The following TARS1 variants were observed in gnomAD, a reference collection of about 807,000 sequenced individuals.
TARS1 encodes the protein threonine--tRNA ligase 1, cytoplasmic.
TARS1 carries 57 observed loss-of-function variants against 97.7 expected under a neutral mutation model. The ratio of observed to expected loss-of-function variants is 0.58; its 90% CI spans 0.47 to 0.73. The LOEUF is 0.73. Among genes scored for constraint, TARS1 ranks in the 30% least tolerant of loss-of-function variants. TARS1 has a pLI of 0.00. For synonymous variants in TARS1, 312 were observed against 293.7 expected (o/e 1.06, Z -0.64); for missense variants, 806 against 888.3 (o/e 0.91, Z 1.18).
intron 17 of TARS1, 151 bp downstream of exon 17, chr5:33,463,976 T>G (rs1302788314): frequency 1.5e-6 from 1 of 661,890 alleles, no homozygotes; most frequent in Non-Finnish European, 2.6e-6. Context: ...TAGATTATAT[T>G]ACTTCTTTAA....
intron 4 of TARS1, among the ~76,000 whole-genome samples, chr5:33,454,259 C>G (rs916839363): frequency 1.3e-5 from 2 of 152,198 alleles, no homozygotes; most frequent in Non-Finnish European, 2.9e-5. Context: ...TGATTGTTCA[C>G]TTATGTATGT....
intron 2 of TARS1, chr5:33,446,868 C>A: frequency 3.1e-6 from 2 of 654,608 alleles, no homozygotes; most frequent in South Asian, 2.0e-5. Flanking sequence ...TCTGTCTGAG[C>A]TTTTAGTTAA....
At chr5:33,455,097 A>G (rs1741947018) in intron 5 of TARS1, 31 bp downstream of exon 5, 3 of 1,611,624 alleles carry the variant, frequency 1.9e-6, no homozygotes, top group Non-Finnish European at 2.5e-6. Context: ...AGAAAACTGA[A>G]GTCAATGACT....
chr5:33,452,768 G>A (rs1481439952), intron 3 of TARS1, among the ~76,000 whole-genome samples: 2 of 140,232 alleles, frequency 1.4e-5, no homozygotes, highest in African/African-American at 5.9e-5. Context: ...TTATTTAGTA[G>A]GCCTTTTTTT....
chr5:33,460,468 T>C (rs1289521183), intron 11 of TARS1, among the ~76,000 whole-genome samples: 1 of 152,266 alleles, frequency 6.6e-6, no homozygotes, highest in African/African-American at 2.4e-5. Flanking sequence ...GAGGCCGCTC[T>C]GCTTTCTATC....
At position 33,467,710 on chromosome 5, in the gene TARS1, GA is replaced by G. The variant is rs756132597; in HGVS notation, c.*8del. On this transcript the variant is annotated 3_prime_UTR_variant, in exon 19 of 19. Transcript: ENST00000265112. ...AAACAGGCAGAAGAAGAATTTTAAT[GA>G]AAAAATTACCCAGATTGGCTCCATG... The G allele has an allele frequency of 6.2e-6, 10 of 1,606,534 alleles. No individual in the cohort carries two copies. Among genetic ancestry groups the G allele is most frequent in the Non-Finnish European group, 8.5e-6 (10 of 1,177,818 alleles).
intron 1 of TARS1, chr5:33,441,525 A>C: frequency 5.2e-6 from 1 of 192,006 alleles, no homozygotes; most frequent in South Asian, 1.0e-4. Flanking sequence ...AGCCTTATTT[A>C]ATCAATCTCC....
rs1261255561 is a variant in TARS1, at chr5:33,467,553, G to A, written c.2024-7G>A. ...AAGTCTGACAAAGCTTTGTGTGTTT[G>A]TTTTAGTTGTTGGTGAAAAAGAGAA... On this transcript the variant is annotated splice_polypyrimidine_tract_variant and splice_region_variant and intron_variant, in intron 18 of 18. Transcript: ENST00000265112. 3 of 1,609,034 alleles carry A rather than the reference G, an allele frequency of 1.9e-6. No homozygotes were observed. Among genetic ancestry groups the A allele is most frequent in the Admixed American group, 1.7e-5 (1 of 58,922 alleles).
Position 33,458,616 on chromosome 5 carries a change from T to C in TARS1, c.1035T>C (p.Phe345=). The change falls in exon 10 of 19, where the codon TTT becomes TTC. Residue 345 remains phenylalanine (F), a synonymous_variant. Transcript: ENST00000265112. ...AACTCAGCCCTGGAAGTTGCTTTTTTCTGCCAAAAGGAGCCTACATTTATA... is the reference window on the plus strand; with the variant it reads ...AACTCAGCCCTGGAAGTTGCTTTTTCCTGCCAAAAGGAGCCTACATTTATA... ...FHELSPGSCF[F]LPKGAYIYNA... 2.5e-6 allele frequency: 4 copies of C among 1,613,830 alleles called. No homozygotes were observed. In the Middle Eastern group the frequency reaches 5.0e-4, roughly 200 times the overall value.
rs568717665 is a variant in TARS1, at chr5:33,445,175, A to T, written c.58-149A>T. 183 of 571,858 alleles carry T rather than the reference A, an allele frequency of 3.2e-4. No individual in the cohort carries two copies. In the African/African-American group the frequency reaches 3.3e-3, roughly 10 times the overall value. 35.4% of individuals were successfully genotyped at this position (571,858 alleles called of 1,614,324 possible). A position where few individuals can be genotyped will look rare whatever the true frequency, so the allele number is the denominator to read the frequency against. On this transcript the variant is annotated intron_variant, in intron 1 of 18. Coordinates refer to ENST00000265112, the MANE Select transcript of TARS1 (RefSeq NM_152295.5). The stretch of plus-strand genomic sequence containing the variant: ...AGTTGTTAACCTGTCTTTGCCAGTG[A>T]TGAAATTGTTCAGTCTTTCAATATC...
At chr5:33,447,721 A>G (rs1465671769) in intron 2 of TARS1, among the ~76,000 whole-genome samples, 1 of 152,224 alleles carries the variant, frequency 6.6e-6, no homozygotes, top group African/African-American at 2.4e-5. Flanking sequence ...ATTCATTTGA[A>G]GATAGAAAGT....
At chr5:33,460,261 T>G (rs1391609979) in intron 11 of TARS1, among the ~76,000 whole-genome samples, 1 of 152,186 alleles carries the variant, frequency 6.6e-6, no homozygotes, top group Non-Finnish European at 1.5e-5. Flanking sequence ...CATGAGCCAC[T>G]GTGCCCAGCC....
intron 1 of TARS1, 70 bp downstream of exon 1, chr5:33,441,213 G>T: frequency 6.3e-7 from 1 of 1,588,078 alleles, no homozygotes; most frequent in Non-Finnish European, 8.6e-7. Context: ...CGCTCGCGGC[G>T]GGAGCGGGGG....
Position 33,457,365 on chromosome 5 carries a change from G to A in TARS1, c.946G>A (p.Glu316Lys), listed in dbSNP as rs368506094. 4 of 1,613,962 alleles carry A rather than the reference G, an allele frequency of 2.5e-6. No individual in the cohort carries two copies. The highest frequency in any genetic ancestry group is 1.3e-5 in the African/African-American group (1 of 74,914). The change falls in exon 9 of 19, where the codon GAG becomes AAG. Residue 316 changes from glutamate to lysine, a missense_variant. Coordinates refer to ENST00000265112, the MANE Select transcript of TARS1 (RefSeq NM_152295.5). Reference protein sequence around the residue: ...KMLKEWEKFQEEAKNRDHRKI... With the variant: ...KMLKEWEKFQKEAKNRDHRKI... ...GTTGAAAGAGTGGGAGAAGTTCCAA[G>A]AGGAAGCTAAAAACCGAGATCATAG...
chr5:33,446,288 C>T (rs1410781259), intron 2 of TARS1: 1 of 270,926 alleles, frequency 3.7e-6, no homozygotes, highest in African/African-American at 2.2e-5. Flanking sequence ...TATCTTACGG[C>T]TGATCAGTTG....
intron 2 of TARS1, 145 bp from the exon 3 acceptor site, chr5:33,448,396 C>A (rs1741527879): frequency 1.7e-6 from 1 of 575,194 alleles, no homozygotes; most frequent in Non-Finnish European, 2.8e-6. Context: ...TGAGGTAATG[C>A]CGGGTGATTT....
In TARS1 at chr5:33,467,688, C is replaced by G; in HGVS notation, c.2152C>G (p.Gln718Glu). The G allele has an allele frequency of 6.2e-7, 1 of 1,611,764 alleles. No homozygotes were observed. The highest frequency in any genetic ancestry group is 8.5e-7 in the Non-Finnish European group (1 of 1,179,312). The change falls in exon 19 of 19, where the codon CAG becomes GAG. Residue 718 changes from glutamine (Q) to glutamate (E), a missense_variant. By Grantham distance (29) the Gln-to-Glu change is conservative. Around this residue, in one of 3 missense-constraint regions of TARS1, gnomAD observed 446 missense variants for 511.0 expected, o/e 0.87. Transcript: ENST00000265112. The part of the protein sequence containing the change: ...LQQLKEFRSK[Q>E]AEEEF ...GCAGCTCAAAGAGTTCCGCAGCAAA[C>G]AGGCAGAAGAAGAATTTTAATGAAA...
intron 3 of TARS1, among the ~76,000 whole-genome samples, chr5:33,449,358 T>TATATATATATATATATATATAG (rs59141272): frequency 4.1e-5 from 6 of 146,484 alleles, no homozygotes; most frequent in African/African-American, 1.5e-4. Context: ...TATATATATA[T>TATATATATATATATATATATAG]CTTAAACTGG....
At chr5:33,443,938 T>G (rs1741280198) in intron 1 of TARS1, among the ~76,000 whole-genome samples, 1 of 152,076 alleles carries the variant, frequency 6.6e-6, no homozygotes, top group South Asian at 2.1e-4. Context: ...AGCATGAAAT[T>G]AGGAGTCATA....
Sources: allele counts gnomAD v4.1 joint callset (sites outside exome capture counted in the v4.1 genomes callset), GRCh38; gene constraint gnomAD v4.1.1; regional missense constraint gnomAD v4.1.1; transcripts MANE v1.5; gene names NCBI Gene and HGNC (gene_info 2026-07-23, HGNC 2026-07-21).